The following ERBIN variants were observed in gnomAD, a reference collection of about 807,000 sequenced individuals.
The protein encoded by ERBIN is erbb2 interacting protein, also known as densin-180-like protein.
ERBIN carries 60 observed loss-of-function variants against 158.4 expected under a neutral mutation model. That is an observed-to-expected ratio of 0.38 (90% CI 0.31 to 0.47). ERBIN has a LOEUF of 0.47. Ranked by LOEUF, ERBIN falls within the 20% of genes least tolerant of loss-of-function variation. The pLI is 0.99. For synonymous variants in ERBIN, 594 were observed against 557.2 expected (o/e 1.07, Z -0.93); for missense variants, 1,610 against 1,648.0 (o/e 0.98, Z 0.40).
Position 65,972,642 on chromosome 5 carries a change from T to TGA in ERBIN, c.-57-15993_-57-15992insGA, listed in dbSNP as rs1408860247. Among the ~76,000 whole-genome samples the TGA allele has an allele frequency of 5.3e-5, 8 of 151,646 alleles. 1 individual carries two copies. The highest frequency in any genetic ancestry group is 2.0e-4 in the African/African-American group (8 of 40,902). ...TACTATTTCACTTACAAAATAAATC[T>TGA]TCAGCCTTAAGGGATGTTTGGGATA... is the stretch of plus-strand genomic sequence containing the variant. On this transcript the variant is annotated intron_variant, in intron 1 of 25. Transcript: ENST00000284037.
chr5:66,027,850 A>G (rs903642262), intron 13 of ERBIN, among the ~76,000 whole-genome samples: 2 of 152,036 alleles, frequency 1.3e-5, no homozygotes, highest in Non-Finnish European at 2.9e-5. Flanking sequence ...GCTGGCTCAC[A>G]AATAGAGAGC....
At chr5:65,936,651 T>C (rs147212008) in intron 1 of ERBIN, among the ~76,000 whole-genome samples, 35 of 152,294 alleles carry the variant, frequency 2.3e-4, no homozygotes, top group Non-Finnish European at 5.0e-4. Context: ...TGAGACACTT[T>C]AGGGTAGGAT....
intron 19 of ERBIN, among the ~76,000 whole-genome samples, chr5:66,049,024 T>G (rs1758758344): frequency 6.6e-6 from 1 of 152,052 alleles, no homozygotes; most frequent in African/African-American, 2.4e-5. Flanking sequence ...CAGATAAACT[T>G]GGATTGTTCA....
chr5:65,933,512 A>G (rs547990518), intron 1 of ERBIN, among the ~76,000 whole-genome samples: 1 of 152,336 alleles, frequency 6.6e-6, no homozygotes, highest in South Asian at 2.1e-4. Flanking sequence ...TCCTACATAC[A>G]TAGAGCTGTA....
At chr5:66,070,186 A>T (rs1362638963) in intron 21 of ERBIN, among the ~76,000 whole-genome samples, 1 of 152,062 alleles carries the variant, frequency 6.6e-6, no homozygotes, top group African/African-American at 2.4e-5. Context: ...CTGGGATTAC[A>T]GGTGCGCACC....
intron 1 of ERBIN, among the ~76,000 whole-genome samples, chr5:65,985,125 G>A (rs1242321731): frequency 2.6e-5 from 4 of 152,144 alleles, no homozygotes; most frequent in Non-Finnish European, 4.4e-5. Flanking sequence ...ACGGAGTCTC[G>A]GTCTGTTGCC....
At chr5:66,076,802 G>A in intron 24 of ERBIN, 73 bp from the exon 25 acceptor site, 1 of 1,077,388 alleles carries the variant, frequency 9.3e-7, no homozygotes, top group Non-Finnish European at 1.4e-6. Context: ...TGGTGTGGAG[G>A]AAAAATTGCT....
chr5:65,958,538 G>T (rs1022516883), intron 1 of ERBIN, among the ~76,000 whole-genome samples: 1 of 152,100 alleles, frequency 6.6e-6, no homozygotes, highest in Non-Finnish European at 1.5e-5. Context: ...GGAGAATCAG[G>T]CAGGGAGGTT....
chr5:65,956,288 C>T lies in ERBIN; in HGVS notation c.-58+29482C>T, dbSNP rs573528057. 1.4e-4 allele frequency among the ~76,000 whole-genome samples: 22 copies of T among 151,772 alleles called. 1 individual carries two copies. The South Asian group carries it at 4.4e-3, about 30-fold the overall frequency. ...GTAGTGGTGATGTTTTTTAAATGCC[C>T]ATATAGCATGCATGCATGCATTCAT... On this transcript the variant is annotated intron_variant, in intron 1 of 25. Coordinates refer to ENST00000284037, the MANE Select transcript of ERBIN (RefSeq NM_001253697.2).
chr5:65,958,938 A>G (rs1404821304), intron 1 of ERBIN, among the ~76,000 whole-genome samples: 1 of 152,208 alleles, frequency 6.6e-6, no homozygotes, highest in Non-Finnish European at 1.5e-5. Context: ...CGTGTATTAA[A>G]TGCATTTTTT....
intron 1 of ERBIN, among the ~76,000 whole-genome samples, chr5:65,983,796 C>A (rs1357512739): frequency 6.6e-6 from 1 of 152,174 alleles, no homozygotes; most frequent in Non-Finnish European, 1.5e-5. Context: ...GCACCCCCCC[C>A]AACTGTCTGT....
intron 21 of ERBIN, among the ~76,000 whole-genome samples, chr5:66,057,424 G>A (rs960803309): frequency 5.9e-5 from 9 of 152,014 alleles, no homozygotes; most frequent in African/African-American, 2.2e-4. Flanking sequence ...GCTGATTAAA[G>A]TTATTTTTTT....
In ERBIN at chr5:66,050,813, A is replaced by G. The variant is rs1758943914; in HGVS notation, c.1934A>G (p.Asp645Gly). ...ACAAAGGAAACAGATTCTTTATCAGATGAAGTTACACACAATAGCAATCAG... is the reference window on the plus strand; with the variant it reads ...ACAAAGGAAACAGATTCTTTATCAGGTGAAGTTACACACAATAGCAATCAG... ...DDTKETDSLS[D>G]EVTHNSNQNN... Residue 645 changes from aspartate (D) to glycine (G), a missense_variant, in exon 20 of 26, where the codon GAT (aspartate) becomes GGT (glycine). Physicochemically the swap from Asp to Gly is moderately conservative, Grantham distance 94 (BLOSUM62 -1). This residue lies in a region of ERBIN where 1,014 missense variants were observed against 936.1 expected (regional missense o/e 1.08). Coordinates refer to ENST00000284037, the MANE Select transcript of ERBIN (RefSeq NM_001253697.2). 3.2e-6 allele frequency: 5 copies of G among 1,570,068 alleles called. No individual in the cohort carries two copies. The highest frequency in any genetic ancestry group is 4.3e-6 in the Non-Finnish European group (5 of 1,163,284).
chr5:66,008,344 G>A (rs1189444189), intron 4 of ERBIN, among the ~76,000 whole-genome samples: 1 of 152,132 alleles, frequency 6.6e-6, no homozygotes, highest in Non-Finnish European at 1.5e-5. Flanking sequence ...GTGTGAATAC[G>A]GGAGGCGGAG....
At chr5:66,072,794 CAG>C (rs988222148) in intron 22 of ERBIN, among the ~76,000 whole-genome samples, 1 of 152,128 alleles carries the variant, frequency 6.6e-6, no homozygotes, top group African/African-American at 2.4e-5. Context: ...CAGTGCCAGA[CAG>C]ATAATTTTTT....
chr5:66,077,759 TACACACACACACAC>T (rs70987111), intron 25 of ERBIN, among the ~76,000 whole-genome samples: 1,731 of 139,372 alleles, frequency 0.012, 14 homozygotes, highest in Non-Finnish European at 0.015. Flanking sequence ...TCCCTCCCTC[TACACACACACACAC>T]ACACACACAC....
intron 25 of ERBIN, among the ~76,000 whole-genome samples, 173 bp from the exon 26 acceptor site, chr5:66,078,250 A>G (rs1476647599): frequency 6.6e-6 from 1 of 152,226 alleles, no homozygotes; most frequent in Non-Finnish European, 1.5e-5. Flanking sequence ...ACACATTTTT[A>G]GACCCCATCT....
At chr5:65,939,032 G>T (rs1475075466) in intron 1 of ERBIN, among the ~76,000 whole-genome samples, 1 of 152,164 alleles carries the variant, frequency 6.6e-6, no homozygotes, top group Non-Finnish European at 1.5e-5. Context: ...TATTTAGTGT[G>T]ATGTACAGTA....
chr5:66,072,619 A>T (rs774847277), intron 22 of ERBIN, among the ~76,000 whole-genome samples: 37 of 152,218 alleles, frequency 2.4e-4, no homozygotes, highest in Non-Finnish European at 4.7e-4. Context: ...AGAATTGAAA[A>T]TGAACTTGTG....
Sources: allele counts gnomAD v4.1 joint callset (sites outside exome capture counted in the v4.1 genomes callset), GRCh38; gene constraint gnomAD v4.1.1; regional missense constraint gnomAD v4.1.1; transcripts MANE v1.5; gene names NCBI Gene and HGNC (gene_info 2026-07-23, HGNC 2026-07-21).